The following PLCB1 variants were observed in gnomAD, a reference collection of about 807,000 sequenced individuals.
PLCB1 encodes 1-phosphatidylinositol 4,5-bisphosphate phosphodiesterase beta-1.
In PLCB1, 46 loss-of-function variants were observed where a neutral mutation model predicts 161.8. That is an observed-to-expected ratio of 0.28 (90% CI 0.22 to 0.36). The LOEUF is 0.36. Among genes scored for constraint, PLCB1 ranks in the 10% least tolerant of loss-of-function variants. The probability of loss-of-function intolerance (pLI) is 1.00; values close to 1 mark genes in which losing one functional copy is unlikely to be tolerated. For missense variants in PLCB1, 1,016 were observed against 1,472.5 expected, an observed-to-expected ratio of 0.69 and a Z score of 5.07; for synonymous variants, 517 against 503.7, an observed-to-expected ratio of 1.03 and a Z score of -0.35.
At chr20:8,363,901 A>G (rs970473272) in intron 2 of PLCB1, among the ~76,000 whole-genome samples, 1 of 152,214 alleles carries the variant, frequency 6.6e-6, no homozygotes, top group Non-Finnish European at 1.5e-5. Context: ...TATTGCAAAG[A>G]CTAATGAGAT....
Position 8,135,977 on chromosome 20 carries a change from G to A in PLCB1, c.99+3227G>A, listed in dbSNP as rs191591106. 2.1e-3 allele frequency among the ~76,000 whole-genome samples: 323 copies of A among 152,174 alleles called. 2 individuals carry two copies. The highest frequency in any genetic ancestry group is 4.9e-4 in the Non-Finnish European group (33 of 67,994). ...CTGGATCTTGGCCTTGGTCTATATTGGGCAGGACATGGAGAGAAAGAGCAA... is the reference window on the plus strand; with the variant it reads ...CTGGATCTTGGCCTTGGTCTATATTAGGCAGGACATGGAGAGAAAGAGCAA... On this transcript the variant is annotated intron_variant, in intron 1 of 31. Coordinates refer to ENST00000338037, the MANE Select transcript of PLCB1 (RefSeq NM_015192.4).
At chr20:8,180,965 GTGTGTA>G (rs1468383349) in intron 2 of PLCB1, among the ~76,000 whole-genome samples, 4 of 142,370 alleles carry the variant, frequency 2.8e-5, no homozygotes, top group African/African-American at 1.1e-4. Flanking sequence ...GTGTGTGTGT[GTGTGTA>G]TGTATGTGTG....
intron 1 of PLCB1, chr20:8,141,890 A>G (rs1382338677): frequency 6.6e-6 from 1 of 152,160 alleles, no homozygotes; most frequent in Non-Finnish European, 1.5e-5. Flanking sequence ...ATGGCCTCTC[A>G]TAGAAATCAT....
At chr20:8,385,586 G>T (rs1179663601) in intron 3 of PLCB1, among the ~76,000 whole-genome samples, 1 of 152,264 alleles carries the variant, frequency 6.6e-6, no homozygotes, top group Non-Finnish European at 1.5e-5. Context: ...GCAGATTCGA[G>T]CTGAGAGGCT....
chr20:8,232,383 C>A (rs967169125), intron 2 of PLCB1, among the ~76,000 whole-genome samples: 1 of 152,052 alleles, frequency 6.6e-6, no homozygotes, highest in Admixed American at 6.6e-5. Context: ...CAATCAAATG[C>A]AAAATTATAA....
chr20:8,603,648 C>G (rs1181432808), intron 3 of PLCB1, among the ~76,000 whole-genome samples: 1 of 152,254 alleles, frequency 6.6e-6, no homozygotes. Context: ...GAATCAGCAC[C>G]TCTGGGGTTG....
At chr20:8,466,744 A>G (rs571412003) in intron 3 of PLCB1, among the ~76,000 whole-genome samples, 1 of 152,210 alleles carries the variant, frequency 6.6e-6, no homozygotes, top group South Asian at 2.1e-4. Flanking sequence ...TTTGGATCTT[A>G]ATTCTATCAC....
chr20:8,729,005 T>G (rs778196533), intron 17 of PLCB1, 45 bp from the exon 18 acceptor site: 2 of 1,377,782 alleles, frequency 1.5e-6, no homozygotes, highest in South Asian at 3.3e-5. Flanking sequence ...TATTATTGAC[T>G]AAATATTTTT....
At chr20:8,377,496 A>G (rs548167648) in intron 3 of PLCB1, among the ~76,000 whole-genome samples, 135 of 152,258 alleles carry the variant, frequency 8.9e-4, no homozygotes, top group African/African-American at 3.1e-3. Context: ...GTTGGGAGTA[A>G]ACTACAAAAG....
intron 31 of PLCB1, among the ~76,000 whole-genome samples, chr20:8,790,597 T>G (rs935942363): frequency 6.6e-6 from 1 of 152,198 alleles, no homozygotes; most frequent in East Asian, 1.9e-4. Context: ...TGGGTACTAC[T>G]AAGTAAACGT....
chr20:8,856,851 C>G (rs1987086052), intron 31 of PLCB1, among the ~76,000 whole-genome samples: 1 of 152,120 alleles, frequency 6.6e-6, no homozygotes. Flanking sequence ...TATCAGTTAG[C>G]TATTGCTGTA....
Position 8,281,519 on chromosome 20 carries a change from A to G in PLCB1, c.178-89863A>G, listed in dbSNP as rs1299478362. 5.3e-5 allele frequency among the ~76,000 whole-genome samples: 8 copies of G among 152,188 alleles called. No individual in the cohort carries two copies. The East Asian group carries it at 1.5e-3, about 29-fold the overall frequency. ...AACTTTGAGACTCATTTTTACCAAT[A>G]AATCTTTACACACTAAAGAACAACG... On this transcript the variant is annotated intron_variant, in intron 2 of 31. Coordinates refer to ENST00000338037, the MANE Select transcript of PLCB1 (RefSeq NM_015192.4).
intron 3 of PLCB1, among the ~76,000 whole-genome samples, chr20:8,539,423 A>C (rs563658390): frequency 6.6e-6 from 1 of 152,286 alleles, no homozygotes; most frequent in East Asian, 1.9e-4. Context: ...TCAGTCACCC[A>C]ATGGACATAT....
In PLCB1 at chr20:8,729,075, A is replaced by T. The variant is rs1980093282; in HGVS notation, c.1789A>T (p.Ile597Leu). ...VEYNKMQLSR[I>L]YPKGTRVDSS... ...ATATAACAAAATGCAGCTTAGCAGG[A>T]TATATCCAAAAGGAACACGTGTGGA... is the stretch of plus-strand genomic sequence containing the variant. The change falls in exon 18 of 32, where the codon ATA becomes TTA. Residue 597 changes from isoleucine (I) to leucine (L), a missense_variant. Transcript: ENST00000338037. 1 of 1,610,832 alleles carries T rather than the reference A, an allele frequency of 6.2e-7. No individual in the cohort carries two copies. Among genetic ancestry groups the T allele is most frequent in the Non-Finnish European group, 8.5e-7 (1 of 1,177,904 alleles).
At chr20:8,191,648 G>A (rs2051972301) in intron 2 of PLCB1, among the ~76,000 whole-genome samples, 1 of 151,928 alleles carries the variant, frequency 6.6e-6, no homozygotes, top group South Asian at 2.1e-4. Context: ...TCCAAAATGC[G>A]AACGTGTGAG....
chr20:8,523,441 C>T (rs769007490), intron 3 of PLCB1, among the ~76,000 whole-genome samples: 16 of 109,312 alleles, frequency 1.5e-4, no homozygotes, highest in Non-Finnish European at 2.4e-4. Flanking sequence ...TGGAGAGAGA[C>T]GACAACAAAT....
At chr20:8,317,183 G>T (rs896638709) in intron 2 of PLCB1, among the ~76,000 whole-genome samples, 20 of 152,128 alleles carry the variant, frequency 1.3e-4, no homozygotes, top group Admixed American at 9.8e-4. Context: ...ATGAGAAGTG[G>T]ATAGAGTCTA....
chr20:8,687,345 A>T (rs55637895), intron 10 of PLCB1, among the ~76,000 whole-genome samples: 9 of 152,222 alleles, frequency 5.9e-5, no homozygotes, highest in African/African-American at 7.2e-5. Flanking sequence ...TTATTTTTTT[A>T]AATTATTTTT....
chr20:8,411,057 C>A (rs1195924689), intron 3 of PLCB1, among the ~76,000 whole-genome samples: 2 of 152,158 alleles, frequency 1.3e-5, no homozygotes, highest in Non-Finnish European at 2.9e-5. Context: ...TTTAAACCAC[C>A]AAGTATGTGG....
Sources: gnomAD v4.1 joint callset for allele counts (sites outside exome capture counted in the v4.1 genomes callset) on GRCh38, gnomAD v4.1.1 for gene constraint, MANE v1.5 for transcripts, NCBI Gene and HGNC (gene_info 2026-07-23, HGNC 2026-07-21) for gene names.